The following RFT1 variants were observed in gnomAD, a reference collection of about 807,000 sequenced individuals.
RFT1 encodes RFT1 glycolipid translocator homolog, also known as man(5)GlcNAc(2)-PP-dolichol translocation protein RFT1.
In RFT1, 43 loss-of-function variants were observed where a neutral mutation model predicts 62.2. That is an observed-to-expected ratio of 0.69 (90% CI 0.54 to 0.89). RFT1 has a LOEUF of 0.89. Ranked by LOEUF, RFT1 falls within the 40% of genes least tolerant of loss-of-function variation. The probability of loss-of-function intolerance (pLI) is 0.00; values close to 1 mark genes in which losing one functional copy is unlikely to be tolerated. For synonymous variants in RFT1, 262 were observed against 264.6 expected (o/e 0.99, Z 0.10); for missense variants, 605 against 649.9 (o/e 0.93, Z 0.75).
intron 6 of RFT1, among the ~76,000 whole-genome samples, chr3:53,114,484 C>T (rs1231276329): frequency 6.6e-6 from 1 of 152,140 alleles, no homozygotes; most frequent in African/African-American, 2.4e-5. Flanking sequence ...ACTAAAAGTG[C>T]TCATTAAGGA....
chr3:53,083,946 A>G (rs1413980635), downstream of RFT1, among the ~76,000 whole-genome samples: 1 of 152,266 alleles, frequency 6.6e-6, no homozygotes, highest in Non-Finnish European at 1.5e-5. Context: ...CAGTTTGTTC[A>G]TAAAATTCTT....
At chr3:53,098,039 C>T (rs190304756) in intron 11 of RFT1, among the ~76,000 whole-genome samples, 119 of 152,314 alleles carry the variant, frequency 7.8e-4, no homozygotes, top group Middle Eastern at 6.8e-3. Flanking sequence ...GAGTAGAAAG[C>T]ATCAGCGTGT....
chr3:53,122,611 A>C lies in RFT1; in HGVS notation c.267-48T>G, dbSNP rs886917832. 2.5e-6 allele frequency: 3 copies of C among 1,213,480 alleles called. No individual in the cohort carries two copies. The African/African-American group carries it at 4.6e-5, about 19-fold the overall frequency. 75.2% of individuals were successfully genotyped at this position (1,213,480 alleles called of 1,614,324 possible). ...TTCACTAAATTTTAAAATAAATATA[A>C]ATATATATTAAAATAGTAACACTGA... On this transcript the variant is annotated intron_variant, in intron 3 of 12. Coordinates refer to ENST00000296292, the MANE Select transcript of RFT1 (RefSeq NM_052859.4).
At chr3:53,112,799 A>C (rs1701689432) in intron 6 of RFT1, among the ~76,000 whole-genome samples, 1 of 152,176 alleles carries the variant, frequency 6.6e-6, no homozygotes, top group East Asian at 1.9e-4. Context: ...TTTCCTAAGG[A>C]CAAGGAAACA....
chr3:53,093,778 C>T (rs745916908), intron 11 of RFT1, among the ~76,000 whole-genome samples: 9 of 152,060 alleles, frequency 5.9e-5, no homozygotes, highest in East Asian at 1.9e-4. Context: ...CCTAGCTACT[C>T]GGGAGGTTGA....
chr3:53,125,714 T>C (rs1360342961), intron 2 of RFT1, among the ~76,000 whole-genome samples, 195 bp downstream of exon 2: 3 of 152,220 alleles, frequency 2.0e-5, no homozygotes, highest in East Asian at 1.9e-4. Flanking sequence ...AAACACTCCA[T>C]GAGTCCATTA....
At chr3:53,105,543 G>T in intron 9 of RFT1, 130 bp downstream of exon 9, 2 of 1,167,060 alleles carry the variant, frequency 1.7e-6, no homozygotes, top group Non-Finnish European at 2.5e-6. Flanking sequence ...CATGAAGAAT[G>T]TAATAGAAGA....
In RFT1 at chr3:53,099,449, G is replaced by A. The variant is rs745941429; in HGVS notation, c.1140C>T (p.Leu380=). The change falls in exon 11 of 13, where the codon CTC becomes CTT. Residue 380 remains leucine (L), a synonymous_variant. Transcript: ENST00000296292. The stretch of plus-strand genomic sequence containing the variant: ...CTGTCACTCCATTGATGGCAAGCAG[G>A]AGAACATAGAGACAGTAGGAACGCA... ...VLLRSYCLYV[L]LLAINGVTEC... 1.9e-6 allele frequency: 3 copies of A among 1,614,056 alleles called. No homozygotes were observed. In the South Asian group the frequency reaches 3.3e-5, roughly 18 times the overall value.
At chr3:53,114,965 C>T (rs1257620963) in intron 6 of RFT1, among the ~76,000 whole-genome samples, 1 of 152,238 alleles carries the variant, frequency 6.6e-6, no homozygotes, top group South Asian at 2.1e-4. Context: ...CCCTCTGTCA[C>T]CTCCTCCACC....
the RFT1 span, among the ~76,000 whole-genome samples, chr3:53,072,450 C>T: frequency 2.6e-5 from 4 of 152,168 alleles, no homozygotes; most frequent in Non-Finnish European, 4.4e-5. Context: ...CTGTCCCTAC[C>T]CACCTCGTAG....
At chr3:53,094,404 T>C (rs1363713505) in intron 11 of RFT1, among the ~76,000 whole-genome samples, 2 of 151,740 alleles carry the variant, frequency 1.3e-5, no homozygotes, top group African/African-American at 4.8e-5. Flanking sequence ...CACAATACTA[T>C]ACTCCAACAG....
At chr3:53,099,851 G>T (rs769756475) in intron 10 of RFT1, among the ~76,000 whole-genome samples, 1 of 152,162 alleles carries the variant, frequency 6.6e-6, no homozygotes, top group Non-Finnish European at 1.5e-5. Context: ...AGCTGTGTGT[G>T]GTGGGCATGC....
intron 11 of RFT1, among the ~76,000 whole-genome samples, chr3:53,095,176 T>C (rs900211234): frequency 2.6e-5 from 4 of 151,858 alleles, no homozygotes; most frequent in Non-Finnish European, 2.9e-5. Flanking sequence ...TGAGGCAGAA[T>C]TGCTTGAACC....
In RFT1 at chr3:53,105,628, T is replaced by C. The variant is rs75323042; in HGVS notation, c.957+45A>G. ...TTCACACTCCTGTCTGTCTTGCAATTAAAGGGAGAATTCACTTGAGAGATG... is the reference window on the plus strand; with the variant it reads ...TTCACACTCCTGTCTGTCTTGCAATCAAAGGGAGAATTCACTTGAGAGATG... On this transcript the variant is annotated intron_variant, in intron 9 of 12. Coordinates refer to ENST00000296292, the MANE Select transcript of RFT1 (RefSeq NM_052859.4). 0.033 allele frequency: 53,801 copies of C among 1,606,758 alleles called. 1,077 individuals carry two copies. Among genetic ancestry groups the C allele is most frequent in the Non-Finnish European group, 0.04 (47,150 of 1,174,480 alleles).
At chr3:53,105,916 T>G in intron 8 of RFT1, 113 bp from the exon 9 acceptor site, 1 of 1,056,418 alleles carries the variant, frequency 9.5e-7, no homozygotes, top group Non-Finnish European at 1.4e-6. Flanking sequence ...CTTGAGATAA[T>G]TATAGATTCA....
At chr3:53,127,063 G>T (rs144002170) in intron 1 of RFT1, among the ~76,000 whole-genome samples, 2 of 151,938 alleles carry the variant, frequency 1.3e-5, no homozygotes, top group South Asian at 4.1e-4. Context: ...CATCTTAACC[G>T]TTATGGAGTC....
At chr3:53,123,593 C>T (rs757968619) in intron 3 of RFT1, 131 bp downstream of exon 3, 22 of 749,922 alleles carry the variant, frequency 2.9e-5, no homozygotes, top group Non-Finnish European at 5.0e-5. Flanking sequence ...TTGTTGTATG[C>T]CTGCTCCCAG....
At chr3:53,107,783 A>G (rs1701529287) in intron 7 of RFT1, among the ~76,000 whole-genome samples, 1 of 152,110 alleles carries the variant, frequency 6.6e-6, no homozygotes, top group Non-Finnish European at 1.5e-5. Flanking sequence ...GTTGACCACT[A>G]TGGAAAAGGA....
intron 1 of RFT1, among the ~76,000 whole-genome samples, chr3:53,127,665 A>G (rs925761826): frequency 3.0e-4 from 46 of 151,884 alleles, no homozygotes; most frequent in Non-Finnish European, 5.6e-4. Flanking sequence ...AAAAAAAAAA[A>G]AAAAGAAAAG....
Sources: gnomAD v4.1 joint callset for allele counts (sites outside exome capture counted in the v4.1 genomes callset) on GRCh38, gnomAD v4.1.1 for gene constraint, MANE v1.5 for transcripts, NCBI Gene and HGNC (gene_info 2026-07-23, HGNC 2026-07-21) for gene names.